Variants in PTPN4 observed in about 807,000 individuals in gnomAD.
PTPN4 encodes tyrosine-protein phosphatase non-receptor type 4.
A neutral mutation model predicts 135.5 loss-of-function variants in PTPN4; 49 were observed. The ratio of observed to expected loss-of-function variants is 0.36; its 90% CI spans 0.29 to 0.46. PTPN4 has a LOEUF of 0.46. Among genes scored for constraint, PTPN4 ranks in the 20% least tolerant of loss-of-function variants. PTPN4 has a pLI of 1.00. For missense variants in PTPN4, 860 were observed against 1,101.0 expected, an observed-to-expected ratio of 0.78 and a Z score of 3.10; for synonymous variants, 333 against 369.9, an observed-to-expected ratio of 0.90 and a Z score of 1.14.
chr2:119,856,758 G>A (rs980696915), intron 2 of PTPN4, among the ~76,000 whole-genome samples: 4 of 152,140 alleles, frequency 2.6e-5, no homozygotes, highest in African/African-American at 9.7e-5. Flanking sequence ...GTTAGTAACT[G>A]TTATTCATAC....
intron 1 of PTPN4, among the ~76,000 whole-genome samples, chr2:119,780,654 A>G (rs933412438): frequency 3.3e-5 from 5 of 152,232 alleles, no homozygotes; most frequent in African/African-American, 1.2e-4. Flanking sequence ...AGAACACTAT[A>G]TAAGGTGTTA....
At chr2:119,923,928 C>T (rs10187836) in intron 12 of PTPN4, among the ~76,000 whole-genome samples, 1 of 151,706 alleles carries the variant, frequency 6.6e-6, no homozygotes, top group Non-Finnish European at 1.5e-5. Context: ...ACGAGGTCAG[C>T]AGATCGAGAC....
At position 119,970,520 on chromosome 2, in the gene PTPN4, A is replaced by G. The variant is rs540893209; in HGVS notation, c.2694+2548A>G. On this transcript the variant is annotated intron_variant, in intron 26 of 26. Coordinates refer to ENST00000263708, the MANE Select transcript of PTPN4 (RefSeq NM_002830.4). ...ACCAATCTACTTTCTTTCTCTGTAG[A>G]GTTGCCTATTCTGGACCTTTTATAT... is the stretch of plus-strand genomic sequence containing the variant. Among the ~76,000 whole-genome samples the G allele has an allele frequency of 1.4e-4, 22 of 152,122 alleles. No homozygotes were observed. The South Asian group carries it at 1.7e-3, about 11-fold the overall frequency.
At chr2:119,940,687 G>T (rs756283783) in intron 15 of PTPN4, among the ~76,000 whole-genome samples, 1 of 152,036 alleles carries the variant, frequency 6.6e-6, no homozygotes, top group Non-Finnish European at 1.5e-5. Flanking sequence ...GAAAATAAGA[G>T]TTTTTTAAAG....
chr2:119,886,525 A>G (rs1403923069), intron 9 of PTPN4, among the ~76,000 whole-genome samples: 1 of 152,128 alleles, frequency 6.6e-6, no homozygotes, highest in East Asian at 1.9e-4. Context: ...TGAGTTCTCT[A>G]TCAAAAGTTC....
intron 2 of PTPN4, among the ~76,000 whole-genome samples, chr2:119,845,247 G>A (rs1344843118): frequency 0.024 from 1,537 of 63,906 alleles, 61 homozygotes; most frequent in African/African-American, 0.083. Context: ...AGGGAGAGGG[G>A]GAGGGGGAGG....
chr2:119,916,617 T>C (rs1678657146), intron 11 of PTPN4: 1 of 152,208 alleles, frequency 6.6e-6, no homozygotes, highest in South Asian at 2.1e-4. Flanking sequence ...TGTAGAACTT[T>C]ACCAGCACCC....
chr2:119,785,153 T>C (rs1691024632), intron 1 of PTPN4, among the ~76,000 whole-genome samples: 1 of 152,170 alleles, frequency 6.6e-6, no homozygotes, highest in South Asian at 2.1e-4. Context: ...CCTTCAATTG[T>C]GAGAACCAAA....
chr2:119,960,772 C>CA (rs763419877), intron 22 of PTPN4, 35 bp from the exon 23 acceptor site: 1 of 1,595,540 alleles, frequency 6.3e-7, no homozygotes, highest in Admixed American at 1.7e-5. Flanking sequence ...AAAAGTAATG[C>CA]AAAACATTTT....
intron 2 of PTPN4, among the ~76,000 whole-genome samples, chr2:119,857,435 G>A (rs921324066): frequency 6.6e-6 from 1 of 151,886 alleles, no homozygotes; most frequent in African/African-American, 2.4e-5. Flanking sequence ...TGGGGAGGCT[G>A]AGGCAGGGGA....
intron 1 of PTPN4, among the ~76,000 whole-genome samples, chr2:119,804,830 T>C (rs947901634): frequency 9.2e-5 from 14 of 152,230 alleles, no homozygotes; most frequent in Non-Finnish European, 1.9e-4. Context: ...GTATTTCTAG[T>C]TCTAGATCCT....
intron 12 of PTPN4, among the ~76,000 whole-genome samples, chr2:119,922,428 A>G (rs1247802745): frequency 6.6e-6 from 1 of 152,166 alleles, no homozygotes; most frequent in African/African-American, 2.4e-5. Flanking sequence ...TATAATTGAC[A>G]CATAAGAAAT....
intron 18 of PTPN4, 85 bp from the exon 19 acceptor site, chr2:119,951,888 T>C: frequency 2.8e-6 from 3 of 1,088,338 alleles, no homozygotes; most frequent in Non-Finnish European, 2.5e-6. Flanking sequence ...GTTCTCCTGC[T>C]ATTGGGTCTA....
chr2:119,773,735 C>CAAAA (rs59142325), intron 1 of PTPN4, among the ~76,000 whole-genome samples: 8 of 108,366 alleles, frequency 7.4e-5, no homozygotes, highest in Non-Finnish European at 1.1e-4. Context: ...GACTCTGTCT[C>CAAAA]AAAAAAAAAA....
chr2:119,949,184 T>G (rs1484608805), intron 18 of PTPN4, among the ~76,000 whole-genome samples: 1 of 152,210 alleles, frequency 6.6e-6, no homozygotes, highest in Non-Finnish European at 1.5e-5. Context: ...CCTTCTGCCA[T>G]GTAGAACTAT....
At chr2:119,966,578 T>C (rs1679449355) in intron 25 of PTPN4, among the ~76,000 whole-genome samples, 3 of 152,166 alleles carry the variant, frequency 2.0e-5, no homozygotes. Flanking sequence ...CCTAATATTA[T>C]CACATTGGTG....
chr2:119,833,292 G>A (rs938258330), intron 2 of PTPN4, among the ~76,000 whole-genome samples: 1 of 151,814 alleles, frequency 6.6e-6, no homozygotes, highest in African/African-American at 2.4e-5. Context: ...GTGCTCTTCA[G>A]TACTACTTTG....
rs186733285 is a variant in PTPN4, at chr2:119,847,570, G to A, written c.139-14966G>A. ...TCGAACTCCTGACCTCAGGTGATCC[G>A]CCGCCTCGGCCTCCCAAAGTGCTAG... On this transcript the variant is annotated intron_variant, in intron 2 of 26. Transcript: ENST00000263708. 3.5e-3 allele frequency among the ~76,000 whole-genome samples: 539 copies of A among 151,926 alleles called. 7 individuals are homozygous for A. The highest frequency in any genetic ancestry group is 0.029 in the Admixed American group (438 of 15,260).
rs1191829355 is a variant in PTPN4, at chr2:119,980,786, T to G, written c.*3716T>G. On this transcript the variant is annotated 3_prime_UTR_variant, in exon 27 of 27. Coordinates refer to ENST00000263708, the MANE Select transcript of PTPN4 (RefSeq NM_002830.4). Reference sequence around the variant, plus strand: ...CTAGTCATGCCTGCCTGACAGAACATAAGCTTTTGTAAAGTATTTAGACTG... The same window carrying G: ...CTAGTCATGCCTGCCTGACAGAACAGAAGCTTTTGTAAAGTATTTAGACTG... The G allele has an allele frequency of 6.6e-6, 1 of 151,996 alleles. No homozygotes were observed. Among genetic ancestry groups the G allele is most frequent in the Non-Finnish European group, 1.5e-5 (1 of 67,914 alleles). The allele number at this position is 151,996 out of a possible 1,614,324, so 9.4% of individuals were successfully genotyped here.
Sources: gnomAD v4.1 joint callset for allele counts (sites outside exome capture counted in the v4.1 genomes callset) on GRCh38, gnomAD v4.1.1 for gene constraint, MANE v1.5 for transcripts, NCBI Gene and HGNC (gene_info 2026-07-23, HGNC 2026-07-21) for gene names.